The following GAS7 variants were observed in gnomAD, a reference collection of about 807,000 sequenced individuals.
GAS7 encodes growth arrest-specific protein 7.
Under a neutral mutation model 71.1 loss-of-function variants are expected in GAS7, and 28 were observed. The observed-to-expected ratio is 0.39, with a 90% CI of 0.29 to 0.54. The LOEUF is 0.54. Among genes scored for constraint, GAS7 ranks in the 20% least tolerant of loss-of-function variants. GAS7 has a pLI of 0.62. For synonymous variants in GAS7, 258 were observed against 245.8 expected, an observed-to-expected ratio of 1.05 and a Z score of -0.46; for missense variants, 436 against 627.8, an observed-to-expected ratio of 0.69 and a Z score of 3.27.
At chr17:9,944,912 T>A (rs888909368) in intron 6 of GAS7, among the ~76,000 whole-genome samples, 1 of 152,198 alleles carries the variant, frequency 6.6e-6, no homozygotes, top group African/African-American at 2.4e-5. Flanking sequence ...CTTTAATGAC[T>A]GTGTCAGGAG....
chr17:10,177,274 C>A (rs939651679), intron 1 of GAS7, among the ~76,000 whole-genome samples: 1 of 152,120 alleles, frequency 6.6e-6, no homozygotes, highest in African/African-American at 2.4e-5. Context: ...GAAGCTGCAG[C>A]CGAGCAAAGG....
chr17:10,085,492 G>A (rs971338777), intron 1 of GAS7, among the ~76,000 whole-genome samples: 1 of 151,992 alleles, frequency 6.6e-6, no homozygotes, highest in Non-Finnish European at 1.5e-5. Flanking sequence ...GACCATCCTG[G>A]CTAACACGGT....
At chr17:10,117,452 G>A (rs1222260402) in intron 1 of GAS7, among the ~76,000 whole-genome samples, 2 of 152,150 alleles carry the variant, frequency 1.3e-5, no homozygotes, top group Non-Finnish European at 2.9e-5. Flanking sequence ...GCCCCCACAG[G>A]GAGTTGGGCT....
At chr17:10,184,645 T>C (rs1021018003) in intron 1 of GAS7, among the ~76,000 whole-genome samples, 1 of 152,168 alleles carries the variant, frequency 6.6e-6, no homozygotes, top group African/African-American at 2.4e-5. Flanking sequence ...ATATGAAATA[T>C]ATTTGGTCCT....
chr17:10,150,794 G>C (rs939053666), intron 1 of GAS7, among the ~76,000 whole-genome samples: 1 of 151,932 alleles, frequency 6.6e-6, no homozygotes, highest in Admixed American at 6.6e-5. Flanking sequence ...TCACCATGTT[G>C]GCCAGGCTGG....
chr17:9,995,960 AG>A (rs1434981854), intron 2 of GAS7, among the ~76,000 whole-genome samples: 1 of 152,246 alleles, frequency 6.6e-6, no homozygotes, highest in East Asian at 1.9e-4. Flanking sequence ...CGTGTACAAA[AG>A]GTTCTCACTT....
Position 9,968,226 on chromosome 17 carries a change from A to AGGGT in GAS7, c.471+1450_471+1451insACCC, listed in dbSNP as rs1290217005. Among the ~76,000 whole-genome samples, 8 of 152,280 alleles carry AGGGT rather than the reference A, an allele frequency of 5.3e-5. No homozygotes were observed. The South Asian group carries it at 6.2e-4, about 12-fold the overall frequency. The stretch of plus-strand genomic sequence containing the variant: ...AGCTCAGCAGGAAACATACAAAGCC[A>AGGGT]CGGTTGATTCATGATGGGTGACATG... On this transcript the variant is annotated intron_variant, in intron 4 of 13. Transcript: ENST00000432992.
chr17:10,097,701 A>G (rs1248510137), intron 1 of GAS7, among the ~76,000 whole-genome samples: 1 of 152,062 alleles, frequency 6.6e-6, no homozygotes, highest in Non-Finnish European at 1.5e-5. Context: ...ACAGGTACAC[A>G]CTAGGCAACC....
intron 2 of GAS7, among the ~76,000 whole-genome samples, chr17:9,992,745 C>A: frequency 8.0e-6 from 1 of 124,484 alleles, no homozygotes. Context: ...CCAATGCTAT[C>A]CCTCCCCCCT....
At position 10,026,617 on chromosome 17, in the gene GAS7, C is replaced by T. The variant is rs1445140452; in HGVS notation, c.184-6720G>A. On this transcript the variant is annotated intron_variant, in intron 1 of 13. Transcript: ENST00000432992. This position sits in a 1 kb window ranked among gnomAD's most constrained non-coding sequence, Gnocchi z 4.5. ...GCCAGGAGTGGCCCCACTGCCAGCT[C>T]TGCACTCCTCAGGGAGTCAACCAAT... is the stretch of plus-strand genomic sequence containing the variant. Among the ~76,000 whole-genome samples, 1 of 152,218 alleles carries T rather than the reference C, an allele frequency of 6.6e-6. No individual in the cohort carries two copies. Among genetic ancestry groups the T allele is most frequent in the East Asian group, 1.9e-4 (1 of 5,188 alleles).
chr17:9,923,580 G>T (rs1021899208), intron 11 of GAS7, among the ~76,000 whole-genome samples: 1 of 152,170 alleles, frequency 6.6e-6, no homozygotes, highest in Non-Finnish European at 1.5e-5. Context: ...GGGTTATGGA[G>T]AAAAGCAAAT....
intron 1 of GAS7, among the ~76,000 whole-genome samples, chr17:10,161,411 G>C (rs1216750419): frequency 6.6e-6 from 1 of 152,142 alleles, no homozygotes; most frequent in Admixed American, 6.5e-5. Context: ...CTGCATCTGT[G>C]GTTCCCCAAA....
At chr17:10,013,471 G>A (rs1439309324) in intron 2 of GAS7, among the ~76,000 whole-genome samples, 4 of 152,168 alleles carry the variant, frequency 2.6e-5, no homozygotes, top group East Asian at 3.9e-4. Flanking sequence ...CACAAGACAA[G>A]CAATTTCCTG....
intron 2 of GAS7, among the ~76,000 whole-genome samples, chr17:10,016,753 AT>A (rs1259642065): frequency 0.019 from 193 of 10,266 alleles, 2 homozygotes; most frequent in African/African-American, 0.13. Context: ...TCTACAAAAA[AT>A]AATAATAATA....
intron 5 of GAS7, among the ~76,000 whole-genome samples, chr17:9,957,753 G>A (rs991953696): frequency 2.0e-5 from 3 of 151,954 alleles, no homozygotes; most frequent in Non-Finnish European, 2.9e-5. Flanking sequence ...CAACTCCACC[G>A]GTAACAGGGA....
At chr17:10,148,948 G>A (rs12603616) in intron 1 of GAS7, among the ~76,000 whole-genome samples, 114,405 of 149,430 alleles carry the variant, frequency 0.77, 44,587 homozygotes, top group African/African-American at 0.92. Context: ...TGAACAGAAC[G>A]GTATCAGGTC....
intron 1 of GAS7, among the ~76,000 whole-genome samples, chr17:10,196,321 A>AC (rs2074540236): frequency 6.6e-6 from 1 of 152,180 alleles, no homozygotes; most frequent in Non-Finnish European, 1.5e-5. Context: ...TGTCTATAAA[A>AC]TGGGGGAAGT....
rs1274938887 is a variant in GAS7, at chr17:9,947,748, G to A, written c.526-765C>T. Among the ~76,000 whole-genome samples, 6 of 124,762 alleles carry A rather than the reference G, an allele frequency of 4.8e-5. No individual in the cohort carries two copies. In the South Asian group the frequency reaches 7.6e-4, roughly 16 times the overall value. The allele number at this position is 124,762 out of a possible 152,430, so 81.8% of individuals were successfully genotyped here. A position where few individuals can be genotyped will look rare whatever the true frequency, so the allele number is the denominator to read the frequency against. ...GTGAGCTGAGATCATGCCATTGTACGAACGAAACTATGTCTCAAAAAAAAA... is the reference window on the plus strand; with the variant it reads ...GTGAGCTGAGATCATGCCATTGTACAAACGAAACTATGTCTCAAAAAAAAA... On this transcript the variant is annotated intron_variant, in intron 5 of 13. Transcript: ENST00000432992.
chr17:10,087,030 A>G (rs2073527070), intron 1 of GAS7, among the ~76,000 whole-genome samples: 1 of 152,232 alleles, frequency 6.6e-6, no homozygotes, highest in Non-Finnish European at 1.5e-5. Flanking sequence ...AAGGACCTCT[A>G]CTGGGCATCA....
Sources: gnomAD v4.1 joint callset for allele counts (sites outside exome capture counted in the v4.1 genomes callset) on GRCh38, gnomAD v4.1.1 for gene constraint, Gnocchi (gnomAD v3.1) non-coding constraint, MANE v1.5 for transcripts, NCBI Gene and HGNC (gene_info 2026-07-23, HGNC 2026-07-21) for gene names.